VAC14: variants seen among roughly 807,000 people sequenced by gnomAD.
VAC14 encodes protein VAC14 homolog.
Under a neutral mutation model 85.3 loss-of-function variants are expected in VAC14, and 47 were observed. That is an observed-to-expected ratio of 0.55 (90% CI 0.44 to 0.70). The LOEUF (loss-of-function observed/expected upper bound fraction) is 0.70, where lower values mean the gene tolerates loss of function less well. Ranked by LOEUF, VAC14 falls within the 30% of genes least tolerant of loss-of-function variation. The pLI, the probability that VAC14 is intolerant of heterozygous loss-of-function variation, is 0.00. For synonymous variants in VAC14, 447 were observed against 430.5 expected (o/e 1.04, Z -0.47); for missense variants, 861 against 1,004.3 (o/e 0.86, Z 1.93).
intron 13 of VAC14, 40 bp from the exon 14 acceptor site, chr16:70,731,667 TG>T: frequency 6.4e-7 from 1 of 1,564,142 alleles, no homozygotes; most frequent in Non-Finnish European, 8.7e-7. Context: ...ATTCTGATTA[TG>T]TGTCCACAGG....
intron 1 of VAC14, among the ~76,000 whole-genome samples, chr16:70,791,753 C>T (rs1485835401): frequency 6.6e-6 from 1 of 152,222 alleles, no homozygotes; most frequent in Admixed American, 6.5e-5. Flanking sequence ...CACTAGGCCT[C>T]TCTCCGAGTT....
intron 12 of VAC14, chr16:70,761,024 G>GTGTGTGTCTGTGTGT (rs1567577775): frequency 5.1e-6 from 1 of 197,510 alleles, no homozygotes; most frequent in Non-Finnish European, 9.5e-6. Context: ...TGTGTGCATG[G>GTGTGTGTCTGTGTGT]GGGGGCGGGG....
At chr16:70,705,513 C>T (rs2053904180) in intron 14 of VAC14, among the ~76,000 whole-genome samples, 1 of 152,236 alleles carries the variant, frequency 6.6e-6, no homozygotes, top group Non-Finnish European at 1.5e-5. Context: ...CATCCCCTCC[C>T]AGGGGCCTCT....
chr16:70,720,399 T>C (rs1487553835), intron 14 of VAC14, among the ~76,000 whole-genome samples: 1 of 152,174 alleles, frequency 6.6e-6, no homozygotes, highest in African/African-American at 2.4e-5. Context: ...CCACACCGCT[T>C]TGATCAGGAC....
At chr16:70,775,354 T>C (rs2033465785) in intron 9 of VAC14, among the ~76,000 whole-genome samples, 1 of 152,242 alleles carries the variant, frequency 6.6e-6, no homozygotes, top group East Asian at 1.9e-4. Context: ...GCAAGTCTCT[T>C]GTGCTGGCTT....
intron 4 of VAC14, among the ~76,000 whole-genome samples, 166 bp downstream of exon 4, chr16:70,784,610 T>C (rs1008559973): frequency 2.0e-5 from 3 of 152,152 alleles, no homozygotes; most frequent in Admixed American, 6.5e-5. Flanking sequence ...ATAGTGGTGA[T>C]TGAGCTCGAT....
At chr16:70,776,187 A>G (rs1440002062) in intron 9 of VAC14, among the ~76,000 whole-genome samples, 1 of 152,062 alleles carries the variant, frequency 6.6e-6, no homozygotes, top group Non-Finnish European at 1.5e-5. Context: ...TGCAGCCTCG[A>G]GCTCCTGGGC....
At chr16:70,758,659 G>A (rs974286195) in intron 12 of VAC14, among the ~76,000 whole-genome samples, 1 of 152,190 alleles carries the variant, frequency 6.6e-6, no homozygotes, top group Non-Finnish European at 1.5e-5. Flanking sequence ...CTGCCCAGCT[G>A]CCAGGCAGCC....
In VAC14 at chr16:70,695,663, C is replaced by G. The variant is rs1342949391; in HGVS notation, c.1956-40G>C. ...AAGGAAAGTCTGTCTGCTGGGCCAGCACAGCCGCAGCTCACAGCACCACAC... is the reference window on the plus strand; with the variant it reads ...AAGGAAAGTCTGTCTGCTGGGCCAGGACAGCCGCAGCTCACAGCACCACAC... On this transcript the variant is annotated intron_variant, in intron 16 of 18. Coordinates refer to ENST00000261776, the MANE Select transcript of VAC14 (RefSeq NM_018052.5). 1.9e-6 allele frequency: 3 copies of G among 1,597,282 alleles called. No individual in the cohort carries two copies. In the East Asian group the frequency reaches 6.7e-5, roughly 36 times the overall value.
At chr16:70,781,836 C>A (rs1567601109) in intron 8 of VAC14, 33 bp downstream of exon 8, 1 of 1,610,746 alleles carries the variant, frequency 6.2e-7, no homozygotes, top group South Asian at 1.1e-5. Flanking sequence ...TTTGGGGCTT[C>A]TCTCAATTAT....
chr16:70,693,314 G>GC (rs1567519159), intron 17 of VAC14, among the ~76,000 whole-genome samples: 1 of 152,114 alleles, frequency 6.6e-6, no homozygotes, highest in East Asian at 1.9e-4. Context: ...TCTGTTTCCC[G>GC]CCCCCCGCTC....
chr16:70,766,144 C>T (rs1192837104), intron 10 of VAC14, among the ~76,000 whole-genome samples: 2 of 147,988 alleles, frequency 1.4e-5, no homozygotes, highest in Non-Finnish European at 3.0e-5. Flanking sequence ...AGAGCAAGAC[C>T]CTGTCCCAAA....
At chr16:70,688,999 T>C (rs964513586) in intron 18 of VAC14, 1 of 985,478 alleles carries the variant, frequency 1.0e-6, no homozygotes. Context: ...AGGAAGACTG[T>C]GGGCTGCTCA....
intron 16 of VAC14, 58 bp downstream of exon 16, chr16:70,697,081 G>A (rs1383643716): frequency 9.6e-6 from 14 of 1,451,672 alleles, no homozygotes; most frequent in African/African-American, 2.8e-5. Context: ...AAAGGGGGCA[G>A]CCGGCCCCTT....
chr16:70,781,887 A>G lies in VAC14; in HGVS notation c.928T>C (p.Tyr310His). ...AGGATACTTTTCTTGCGGTCATCGT[A>G]GGCCAAGCAGGGCAAGACAGCAGTC... ...ILTAVLPCLA[Y>H]DDRKKSIKEV... Residue 310 changes from tyrosine to histidine, a missense_variant, in exon 8 of 19, where the codon TAC becomes CAC. Around this residue, in one of 3 missense-constraint regions of VAC14, gnomAD observed 629 missense variants for 703.1 expected, o/e 0.89. Transcript: ENST00000261776. The G allele has an allele frequency of 6.2e-7, 1 of 1,614,124 alleles. No individual in the cohort carries two copies. The highest frequency in any genetic ancestry group is 8.5e-7 in the Non-Finnish European group (1 of 1,180,014).
At chr16:70,720,863 C>A (rs1340965168) in intron 14 of VAC14, among the ~76,000 whole-genome samples, 1 of 152,170 alleles carries the variant, frequency 6.6e-6, no homozygotes, top group African/African-American at 2.4e-5. Context: ...TAAAGAGACA[C>A]AAAACTTAGC....
intron 14 of VAC14, among the ~76,000 whole-genome samples, chr16:70,713,036 GTAT>G (rs2054069407): frequency 6.6e-6 from 1 of 152,152 alleles, no homozygotes; most frequent in Non-Finnish European, 1.5e-5. Flanking sequence ...CCAGGAAAAG[GTAT>G]TTTTAGCTAC....
intron 16 of VAC14, chr16:70,696,742 C>T: frequency 4.4e-6 from 1 of 229,222 alleles, no homozygotes; most frequent in Non-Finnish European, 8.7e-6. Context: ...TCTCCCCCAC[C>T]CCCACACCAG....
chr16:70,727,380 C>T (rs943524174), intron 14 of VAC14, among the ~76,000 whole-genome samples: 19 of 152,282 alleles, frequency 1.2e-4, no homozygotes, highest in East Asian at 3.9e-4. Context: ...TGCTCTGTCG[C>T]GCAGGCTGGA....
Sources: allele counts gnomAD v4.1 joint callset (sites outside exome capture counted in the v4.1 genomes callset), GRCh38; gene constraint gnomAD v4.1.1; regional missense constraint gnomAD v4.1.1; transcripts MANE v1.5; gene names NCBI Gene and HGNC (gene_info 2026-07-23, HGNC 2026-07-21).